Variants in GPC6 observed in about 807,000 individuals in gnomAD.
GPC6 encodes the protein glypican 6.
A neutral mutation model predicts 55.2 loss-of-function variants in GPC6; 14 were observed. That is an observed-to-expected ratio of 0.25 (90% CI 0.17 to 0.40). The LOEUF (loss-of-function observed/expected upper bound fraction) is 0.40. GPC6 is among the 10% of genes least tolerant of loss of function. The pLI is 1.00. For synonymous variants in GPC6, 278 were observed against 259.6 expected (o/e 1.07, Z -0.68); for missense variants, 641 against 708.5 (o/e 0.90, Z 1.08).
chr13:93,608,116 A>G (rs1031428886), intron 2 of GPC6, among the ~76,000 whole-genome samples: 3 of 152,146 alleles, frequency 2.0e-5, no homozygotes. Flanking sequence ...CCAATACTGT[A>G]GCCCATTAGC....
intron 4 of GPC6, among the ~76,000 whole-genome samples, chr13:94,191,799 C>T (rs1889404638): frequency 6.6e-6 from 1 of 152,032 alleles, no homozygotes; most frequent in Non-Finnish European, 1.5e-5. Context: ...ATTTCATCTC[C>T]AAGGGGAACT....
At chr13:93,454,864 G>A (rs1270319791) in intron 1 of GPC6, among the ~76,000 whole-genome samples, 1 of 152,238 alleles carries the variant, frequency 6.6e-6, no homozygotes. Flanking sequence ...GGCTTGGGCC[G>A]CACAGGAGCC....
chr13:94,360,282 AATT>A (rs1878997141), intron 6 of GPC6, among the ~76,000 whole-genome samples: 1 of 152,216 alleles, frequency 6.6e-6, no homozygotes, highest in Admixed American at 6.5e-5. Context: ...ACCACCTGAA[AATT>A]ATTATTTCCG....
At chr13:93,960,290 A>T (rs1319445956) in intron 3 of GPC6, among the ~76,000 whole-genome samples, 4 of 152,206 alleles carry the variant, frequency 2.6e-5, no homozygotes, top group Non-Finnish European at 5.9e-5. Context: ...GATTTGAGCA[A>T]GTCTTCCAGG....
At chr13:94,019,260 T>G (rs1882607838) in intron 3 of GPC6, among the ~76,000 whole-genome samples, 1 of 152,212 alleles carries the variant, frequency 6.6e-6, no homozygotes, top group Non-Finnish European at 1.5e-5. Flanking sequence ...TCTATTCATG[T>G]TTTTTATTTC....
chr13:93,726,802 A>G (rs1411967465), intron 2 of GPC6, among the ~76,000 whole-genome samples: 1 of 152,018 alleles, frequency 6.6e-6, no homozygotes, highest in Non-Finnish European at 1.5e-5. Context: ...AAGGACAACT[A>G]CCCACTTAGG....
intron 3 of GPC6, among the ~76,000 whole-genome samples, chr13:94,023,367 A>G (rs1882774437): frequency 6.6e-6 from 1 of 151,778 alleles, no homozygotes; most frequent in Non-Finnish European, 1.5e-5. Context: ...TGGATCATTG[A>G]CATCTACTCA....
At chr13:94,396,603 G>A (rs200780375) in intron 7 of GPC6, among the ~76,000 whole-genome samples, 1 of 152,242 alleles carries the variant, frequency 6.6e-6, no homozygotes, top group East Asian at 1.9e-4. Context: ...ATCTTGAGGA[G>A]AAAGTGAGGA....
chr13:93,865,161 A>G (rs1381237959), intron 3 of GPC6, among the ~76,000 whole-genome samples: 1 of 151,652 alleles, frequency 6.6e-6, no homozygotes, highest in Admixed American at 6.6e-5. Context: ...CCCTTAGACT[A>G]GGCAGTAAAT....
At chr13:94,134,482 T>G (rs908321932) in intron 4 of GPC6, among the ~76,000 whole-genome samples, 1 of 152,218 alleles carries the variant, frequency 6.6e-6, no homozygotes, top group African/African-American at 2.4e-5. Flanking sequence ...ATGCCTCAGT[T>G]TTGCCTATTA....
Position 94,266,953 on chromosome 13 carries a change from G to A in GPC6, c.878-19396G>A, listed in dbSNP as rs1390817184. On this transcript the variant is annotated intron_variant, in intron 4 of 8. Coordinates refer to ENST00000377047, the MANE Select transcript of GPC6 (RefSeq NM_005708.5). ...AAGTTATACTAACATGAAGGGTTAA[G>A]TGTCTGACCCATACGTTTTTAGTCC... 2.0e-5 allele frequency among the ~76,000 whole-genome samples: 3 copies of A among 152,352 alleles called. No individual in the cohort carries two copies. In the South Asian group the frequency reaches 6.2e-4, roughly 32 times the overall value.
At chr13:93,398,690 T>C (rs1477255540) in intron 1 of GPC6, among the ~76,000 whole-genome samples, 1 of 152,180 alleles carries the variant, frequency 6.6e-6, no homozygotes, top group Non-Finnish European at 1.5e-5. Context: ...CTATGCCAGA[T>C]ACTTGACATG....
In GPC6 at chr13:93,631,736, C is replaced by G. The variant is rs3843688; in HGVS notation, c.319+86315C>G. On this transcript the variant is annotated intron_variant, in intron 2 of 8. Coordinates refer to ENST00000377047, the MANE Select transcript of GPC6 (RefSeq NM_005708.5). ...TGCCTGTATCTGTAGTTATATACCACTGTATGTGTTCCCCATGGCATCTAG... is the reference window on the plus strand; with the variant it reads ...TGCCTGTATCTGTAGTTATATACCAGTGTATGTGTTCCCCATGGCATCTAG... Among the ~76,000 whole-genome samples, 118,795 of 152,002 alleles carry G rather than the reference C, an allele frequency of 0.78. 48,054 individuals are homozygous for G. The highest frequency in any genetic ancestry group is 0.91 in the Non-Finnish European group (61,653 of 67,952).
intron 1 of GPC6, among the ~76,000 whole-genome samples, chr13:93,346,652 C>A (rs1337817665): frequency 2.6e-5 from 4 of 151,898 alleles, no homozygotes; most frequent in Non-Finnish European, 5.9e-5. Flanking sequence ...AATACATGAA[C>A]CTATGTTTTA....
chr13:94,238,538 C>T (rs1048554377), intron 4 of GPC6, among the ~76,000 whole-genome samples: 3 of 152,156 alleles, frequency 2.0e-5, no homozygotes, highest in African/African-American at 7.2e-5. Context: ...TTGGAGGGCA[C>T]GTTGGCCACT....
intron 3 of GPC6, among the ~76,000 whole-genome samples, chr13:94,014,432 T>C (rs1882375359): frequency 6.6e-6 from 1 of 152,184 alleles, no homozygotes; most frequent in Non-Finnish European, 1.5e-5. Context: ...TGTCTTTAGC[T>C]CCGAAATCCC....
intron 4 of GPC6, among the ~76,000 whole-genome samples, chr13:94,053,886 T>C (rs549314173): frequency 6.6e-6 from 1 of 152,230 alleles, no homozygotes; most frequent in Admixed American, 6.5e-5. Context: ...TTTAACCAGG[T>C]ATTTTAGTAC....
chr13:94,031,810 T>C (rs1045325944), intron 4 of GPC6, among the ~76,000 whole-genome samples: 1 of 152,226 alleles, frequency 6.6e-6, no homozygotes, highest in African/African-American at 2.4e-5. Flanking sequence ...AGATAAGAAT[T>C]GTTCTATTTC....
At chr13:93,762,648 A>G (rs1884990536) in intron 2 of GPC6, among the ~76,000 whole-genome samples, 1 of 152,238 alleles carries the variant, frequency 6.6e-6, no homozygotes, top group South Asian at 2.1e-4. Flanking sequence ...CTTGGCTGTC[A>G]CCTTTAAGGA....
Sources: gnomAD v4.1 joint callset for allele counts (sites outside exome capture counted in the v4.1 genomes callset) on GRCh38, gnomAD v4.1.1 for gene constraint, MANE v1.5 for transcripts, NCBI Gene and HGNC (gene_info 2026-07-23, HGNC 2026-07-21) for gene names.